Variants in NKAIN2 observed in about 807,000 individuals in gnomAD.
The protein encoded by NKAIN2 is sodium/potassium transporting ATPase interacting 2.
NKAIN2 carries 14 observed loss-of-function variants against 32.6 expected under a neutral mutation model. That is an observed-to-expected ratio of 0.43 (90% CI 0.28 to 0.67). NKAIN2 has a LOEUF of 0.67. NKAIN2 is among the 30% of genes least tolerant of loss of function. NKAIN2 has a pLI of 0.17. For missense variants in NKAIN2, 198 were observed against 258.3 expected (o/e 0.77, Z 1.60); for synonymous variants, 80 against 87.2 (o/e 0.92, Z 0.46).
chr6:124,139,367 C>T (rs1055135511), intron 1 of NKAIN2, among the ~76,000 whole-genome samples: 3 of 151,944 alleles, frequency 2.0e-5, no homozygotes, highest in African/African-American at 7.2e-5. Flanking sequence ...GGATTACAGG[C>T]GTGAGCCACC....
chr6:124,051,548 A>G (rs1000556444), intron 1 of NKAIN2, among the ~76,000 whole-genome samples: 5 of 151,948 alleles, frequency 3.3e-5, no homozygotes, highest in African/African-American at 4.8e-5. Context: ...TACATTAGGT[A>G]TATCTCCTAA....
intron 1 of NKAIN2, among the ~76,000 whole-genome samples, chr6:124,009,467 G>A (rs939776917): frequency 1.3e-5 from 2 of 152,176 alleles, no homozygotes; most frequent in Admixed American, 6.5e-5. Flanking sequence ...TCACAAATAC[G>A]TGAAAATAAT....
At chr6:124,614,782 G>C (rs1377813895) in intron 3 of NKAIN2, among the ~76,000 whole-genome samples, 1 of 152,086 alleles carries the variant, frequency 6.6e-6, no homozygotes, top group African/African-American at 2.4e-5. Flanking sequence ...ATGTCACAGA[G>C]ATATAGCTCA....
chr6:124,297,198 A>G (rs528256883), intron 2 of NKAIN2, among the ~76,000 whole-genome samples: 5 of 152,296 alleles, frequency 3.3e-5, no homozygotes, highest in East Asian at 1.9e-4. Flanking sequence ...AAATCTGCAT[A>G]TAAGTTTTGA....
intron 1 of NKAIN2, among the ~76,000 whole-genome samples, chr6:123,820,084 T>C (rs559587848): frequency 6.6e-6 from 1 of 152,324 alleles, no homozygotes; most frequent in Admixed American, 6.5e-5. Context: ...ATCAGCGTCC[T>C]TGTAATAATA....
intron 1 of NKAIN2, among the ~76,000 whole-genome samples, chr6:124,215,202 A>G (rs541765116): frequency 1.8e-4 from 28 of 152,286 alleles, no homozygotes; most frequent in African/African-American, 6.5e-4. Context: ...TTAAAAATCA[A>G]TAGAACACTT....
chr6:123,905,808 A>C (rs1186368669), intron 1 of NKAIN2, among the ~76,000 whole-genome samples: 17 of 152,200 alleles, frequency 1.1e-4, no homozygotes, highest in Admixed American at 2.0e-4. Flanking sequence ...TAAGACAGGA[A>C]TCTCATTAGT....
chr6:124,083,289 G>T (rs1243365369), intron 1 of NKAIN2, among the ~76,000 whole-genome samples: 3 of 151,748 alleles, frequency 2.0e-5, no homozygotes, highest in Non-Finnish European at 2.9e-5. Flanking sequence ...CCCATTTCAA[G>T]AATAAAACTA....
At chr6:124,673,827 C>A (rs963529173) in intron 4 of NKAIN2, among the ~76,000 whole-genome samples, 1 of 151,768 alleles carries the variant, frequency 6.6e-6, no homozygotes, top group Non-Finnish European at 1.5e-5. Flanking sequence ...CCACTATTCC[C>A]TAGGTTGCCT....
At chr6:124,184,704 C>A (rs1303681485) in intron 1 of NKAIN2, among the ~76,000 whole-genome samples, 1 of 152,136 alleles carries the variant, frequency 6.6e-6, no homozygotes, top group Non-Finnish European at 1.5e-5. Context: ...ACTTTCAAGA[C>A]TAAAGAGATG....
intron 1 of NKAIN2, among the ~76,000 whole-genome samples, chr6:123,985,666 A>T (rs1779103795): frequency 6.6e-6 from 1 of 152,194 alleles, no homozygotes; most frequent in African/African-American, 2.4e-5. Context: ...GGCACACAAC[A>T]TAGTGGCAAA....
rs140206342 is a variant in NKAIN2 at position 124,297,484 on chromosome 6, G to T, written c.192+14342G>T. Among the ~76,000 whole-genome samples the T allele has an allele frequency of 9.7e-4, 148 of 152,098 alleles. 1 individual carries two copies. The highest frequency in any genetic ancestry group is 5.2e-3 in the Admixed American group (80 of 15,280). ...AGAAGGGTTGGTCTTGGTGTCTCAGGAGTGGCAGAGGCAGAAAAGGTGGAA... is the reference window on the plus strand; with the variant it reads ...AGAAGGGTTGGTCTTGGTGTCTCAGTAGTGGCAGAGGCAGAAAAGGTGGAA... On this transcript the variant is annotated intron_variant, in intron 2 of 6. Coordinates refer to ENST00000368417, the MANE Select transcript of NKAIN2 (RefSeq NM_001040214.3).
chr6:124,160,413 A>G lies in NKAIN2; in HGVS notation c.55-122592A>G, dbSNP rs1788212842. On this transcript the variant is annotated intron_variant, in intron 1 of 6. Transcript: ENST00000368417. Reference sequence around the variant, plus strand: ...TTCAGGTTTTCCTTGAAAGAGCTGTATGTGGGAACAACTGTATTTTCTACA... The same window carrying G: ...TTCAGGTTTTCCTTGAAAGAGCTGTGTGTGGGAACAACTGTATTTTCTACA... Among the ~76,000 whole-genome samples, 9 of 152,168 alleles carry G rather than the reference A, an allele frequency of 5.9e-5. 1 individual carries two copies.
chr6:124,112,311 G>A (rs941442128), intron 1 of NKAIN2, among the ~76,000 whole-genome samples: 17 of 152,076 alleles, frequency 1.1e-4, no homozygotes, highest in African/African-American at 4.1e-4. Flanking sequence ...CATTTTTAAA[G>A]GACAGTTTTT....
At chr6:124,477,936 A>T (rs778194534) in intron 3 of NKAIN2, among the ~76,000 whole-genome samples, 1 of 151,464 alleles carries the variant, frequency 6.6e-6, no homozygotes, top group Non-Finnish European at 1.5e-5. Flanking sequence ...AATGCCAATG[A>T]ATATCCTTTA....
intron 4 of NKAIN2, among the ~76,000 whole-genome samples, chr6:124,738,142 T>G (rs1301281236): frequency 1.3e-5 from 2 of 151,940 alleles, no homozygotes; most frequent in Non-Finnish European, 1.5e-5. Flanking sequence ...TTAGATAAGT[T>G]AGTATCAACT....
chr6:123,867,591 A>T (rs1772602265), intron 1 of NKAIN2, among the ~76,000 whole-genome samples: 1 of 152,234 alleles, frequency 6.6e-6, no homozygotes, highest in Admixed American at 6.5e-5. Flanking sequence ...GGACTCAAAA[A>T]TGTTGGCTAT....
chr6:124,820,736 T>C (rs1205375817), intron 6 of NKAIN2, among the ~76,000 whole-genome samples: 1 of 152,176 alleles, frequency 6.6e-6, no homozygotes, highest in Non-Finnish European at 1.5e-5. Flanking sequence ...CTGCCTCCTG[T>C]CTGATAAGCA....
intron 4 of NKAIN2, among the ~76,000 whole-genome samples, chr6:124,718,795 C>G (rs1429134972): frequency 6.6e-6 from 1 of 151,958 alleles, no homozygotes; most frequent in African/African-American, 2.4e-5. Context: ...AAAAAATCTT[C>G]CGAATCTTCT....
Sources: allele counts gnomAD v4.1 joint callset (sites outside exome capture counted in the v4.1 genomes callset), GRCh38; gene constraint gnomAD v4.1.1; transcripts MANE v1.5; gene names NCBI Gene and HGNC (gene_info 2026-07-23, HGNC 2026-07-21).